The following GNAS variants were observed in gnomAD, a reference collection of about 807,000 sequenced individuals.
GNAS encodes the protein GNAS complex locus.
In GNAS, 8 loss-of-function variants were observed where a neutral mutation model predicts 54.5. The ratio of observed to expected loss-of-function variants is 0.15; its 90% CI spans 0.09 to 0.26. The LOEUF is 0.26. Ranked by LOEUF, GNAS falls within the 10% of genes least tolerant of loss-of-function variation. The pLI, the probability that GNAS is intolerant of heterozygous loss-of-function variation, is 1.00. For missense variants in GNAS, 170 were observed against 529.8 expected (o/e 0.32, Z 6.67); for synonymous variants, 204 against 191.4 (o/e 1.07, Z -0.54).
chr20:58,908,270 A>G (rs571952911), intron 6 of GNAS, among the ~76,000 whole-genome samples: 9 of 152,304 alleles, frequency 5.9e-5, no homozygotes, highest in South Asian at 2.1e-4. Flanking sequence ...AATTACCCCA[A>G]TCTTTCAAAA....
At chr20:58,896,610 A>G (rs2090075262) in intron 2 of GNAS, among the ~76,000 whole-genome samples, 1 of 150,944 alleles carries the variant, frequency 6.6e-6, no homozygotes, top group Non-Finnish European at 1.5e-5. Context: ...GTTCTCGTGT[A>G]ACAAAACGTG....
At chr20:58,855,348 T>G (rs202047744) in intron 1 of GNAS, 1 of 1,556,586 alleles carries the variant, frequency 6.4e-7, no homozygotes, top group East Asian at 2.4e-5. Flanking sequence ...TGCGGCGGAC[T>G]CTGCCTGCGG....
At chr20:58,901,128 T>C (rs1280785021) in intron 3 of GNAS, among the ~76,000 whole-genome samples, 12 of 152,162 alleles carry the variant, frequency 7.9e-5, no homozygotes, top group Admixed American at 7.9e-4. Flanking sequence ...AAACCAAAGG[T>C]TAATAGCTTT....
At chr20:58,891,258 G>GCCGCC (rs2089241544), upstream of GNAS, 3 of 129,224 alleles carry the variant, frequency 2.3e-5, no homozygotes, top group Admixed American at 7.5e-5. Flanking sequence ...CCGCCGCCGC[G>GCCGCC]GCCGCTCCTC....
At chr20:58,854,778 A>C in intron 1 of GNAS, 1 of 1,562,538 alleles carries the variant, frequency 6.4e-7, no homozygotes, top group Non-Finnish European at 8.6e-7. Context: ...CGCTTCTGCC[A>C]CCCGGGCAGC....
At position 58,902,996 on chromosome 20, in the gene GNAS, A is replaced by G. The variant is rs542956814; in HGVS notation, c.258-535A>G. On this transcript the variant is annotated intron_variant, in intron 3 of 12. Transcript: ENST00000371085. ...GGCAGTCTGCCCGCCTCAGCCTCCC[A>G]AAGTGCTGGGATTACAGGTGTGAGC... 5.3e-5 allele frequency: 11 copies of G among 207,692 alleles called. No individual in the cohort carries two copies. In the South Asian group the frequency reaches 8.6e-4, roughly 16 times the overall value. The allele number at this position is 207,692 out of a possible 1,614,324, so 12.9% of individuals were successfully genotyped here.
chr20:58,856,760 T>C lies in GNAS; in HGVS notation c.43+15874T>C, dbSNP rs1339579926. ...ACAGAAGTTAAAAATCATGATATTC[T>C]TGTCAGGAGGGTATTTTGGTGGCCT... On this transcript the variant is annotated intron_variant, in intron 1 of 12. Coordinates refer to the GNAS transcript ENST00000306090. The surrounding 1 kb of genome is among the most constrained non-coding windows in gnomAD (Gnocchi z 4.2). 2.6e-5 allele frequency: 4 copies of C among 152,146 alleles called. No homozygotes were observed. Among genetic ancestry groups the C allele is most frequent in the Non-Finnish European group, 5.9e-5 (4 of 68,036 alleles). The allele number at this position is 152,146 out of a possible 1,614,324, so 9.4% of individuals were successfully genotyped here.
chr20:58,862,230 T>C (rs1290659230), intron 1 of GNAS, among the ~76,000 whole-genome samples: 1 of 151,990 alleles, frequency 6.6e-6, no homozygotes, highest in African/African-American at 2.4e-5. Flanking sequence ...TGATCTCGGC[T>C]CACTGCAACC....
chr20:58,853,722 G>A lies in GNAS; in HGVS notation c.43+12836G>A, dbSNP rs1177272343. ...CAGTGGTGCCAGACCAGGCCTGGGA[G>A]GATACAGCCCTCCACCAGAAGAAGC... is the stretch of plus-strand genomic sequence containing the variant. On this transcript the variant is annotated intron_variant, in intron 1 of 12. Transcript: ENST00000306090. This position sits in a 1 kb window ranked among gnomAD's most constrained non-coding sequence, Gnocchi z 4.4. 5 of 1,613,894 alleles carry A rather than the reference G, an allele frequency of 3.1e-6. No individual in the cohort carries two copies. The highest frequency in any genetic ancestry group is 3.4e-6 in the Non-Finnish European group (4 of 1,179,886).
Position 58,841,964 on chromosome 20 carries a change from G to A in GNAS, c.43+1078G>A. The A allele has an allele frequency of 1.8e-6, 2 of 1,100,290 alleles. No individual in the cohort carries two copies. Among genetic ancestry groups the A allele is most frequent in the Non-Finnish European group, 2.3e-6 (2 of 867,846 alleles). The allele number at this position is 1,100,290 out of a possible 1,614,324, so 68.2% of individuals were successfully genotyped here. Reference sequence around the variant, plus strand: ...TTCGTTTCCAAAGAGCGCGGTACGCGCAGAGCTGGGGAAAGGTGTTGGATC... The same window carrying A: ...TTCGTTTCCAAAGAGCGCGGTACGCACAGAGCTGGGGAAAGGTGTTGGATC... On this transcript the variant is annotated intron_variant, in intron 1 of 12. Transcript: ENST00000306090. This position sits in a 1 kb window ranked among gnomAD's most constrained non-coding sequence, Gnocchi z 5.0.
At chr20:58,852,804 G>A (rs765851332) in intron 1 of GNAS, 1 of 227,070 alleles carries the variant, frequency 4.4e-6, no homozygotes, top group Non-Finnish European at 8.7e-6. Flanking sequence ...CCAAAGTCCC[G>A]GGCCCCTGGC....
intron 6 of GNAS, among the ~76,000 whole-genome samples, chr20:58,906,591 G>A (rs534463027): frequency 3.3e-4 from 51 of 152,296 alleles, no homozygotes; most frequent in Admixed American, 1.3e-3. Flanking sequence ...GAGTGCAGTG[G>A]TGCGACCTTG....
At chr20:58,855,086 A>G in intron 1 of GNAS, 1 of 1,613,356 alleles carries the variant, frequency 6.2e-7, no homozygotes, top group Non-Finnish European at 8.5e-7. Flanking sequence ...AGCGCAACTT[A>G]CTCCGCAACT....
chr20:58,840,760 C>T, upstream of GNAS: 1 of 1,607,658 alleles, frequency 6.2e-7, no homozygotes, highest in Non-Finnish European at 8.5e-7. This position sits in a 1 kb window ranked among gnomAD's most constrained non-coding sequence, Gnocchi z 6.0. Flanking sequence ...AGCGGCGTCG[C>T]TGCAAGCCAA....
In GNAS at chr20:58,903,902, T is replaced by A. The variant is rs139729321; in HGVS notation, c.432+111T>A. On this transcript the variant is annotated intron_variant, in intron 5 of 12. Coordinates refer to ENST00000371085, the MANE Select transcript of GNAS (RefSeq NM_000516.7). Reference sequence around the variant, plus strand: ...ATGGGCAGGAGCATCCAAACCACACTTCAGGCAAAACTACATTTCAGTGAT... The same window carrying A: ...ATGGGCAGGAGCATCCAAACCACACATCAGGCAAAACTACATTTCAGTGAT... 8.1e-6 allele frequency: 9 copies of A among 1,111,872 alleles called. No homozygotes were observed. The African/African-American group carries it at 1.1e-4, about 13-fold the overall frequency. 68.9% of individuals were successfully genotyped at this position (1,111,872 alleles called of 1,614,324 possible).
intron 3 of GNAS, among the ~76,000 whole-genome samples, chr20:58,902,725 C>CG (rs2090736245): frequency 2.9e-5 from 2 of 69,488 alleles, no homozygotes; most frequent in African/African-American, 1.3e-4. Flanking sequence ...GCACATACGA[C>CG]TTTTTTTTTT....
intron 1 of GNAS, among the ~76,000 whole-genome samples, chr20:58,892,815 CT>C (rs1418259026): frequency 6.6e-6 from 1 of 151,876 alleles, no homozygotes; most frequent in Non-Finnish European, 1.5e-5. Context: ...TTTTTTTCCC[CT>C]TCCAGACTTG....
intron 1 of GNAS, chr20:58,843,175 T>A (rs1349057379): frequency 1.3e-5 from 2 of 150,150 alleles, no homozygotes; most frequent in East Asian, 3.9e-4. Flanking sequence ...CGGCACACAC[T>A]CTCCCCCGCT....
At chr20:58,895,271 C>A (rs2089938212) in intron 1 of GNAS, 1 of 365,466 alleles carries the variant, frequency 2.7e-6, no homozygotes, top group Non-Finnish European at 5.3e-6. Context: ...CTTCAATTTT[C>A]TTGTTTACCC....
Sources: allele counts gnomAD v4.1 joint callset (sites outside exome capture counted in the v4.1 genomes callset), GRCh38; gene constraint gnomAD v4.1.1; non-coding constraint Gnocchi (gnomAD v3.1); transcripts MANE v1.5; gene names NCBI Gene and HGNC (gene_info 2026-07-23, HGNC 2026-07-21).